The following CUEDC1 variants were observed in gnomAD, a reference collection of about 807,000 sequenced individuals.
The protein encoded by CUEDC1 is CUE domain containing 1.
CUEDC1 carries 30 observed loss-of-function variants against 43.7 expected under a neutral mutation model. That is an observed-to-expected ratio of 0.69 (90% CI 0.51 to 0.93). The LOEUF is 0.93. Ranked by LOEUF, CUEDC1 falls within the 40% of genes least tolerant of loss-of-function variation. CUEDC1 has a pLI of 0.00. For missense variants in CUEDC1, 486 were observed against 549.0 expected (o/e 0.89, Z 1.15); for synonymous variants, 223 against 223.6 (o/e 1.00, Z 0.02).
At chr17:57,919,828 G>A (rs1343767827) in intron 1 of CUEDC1, among the ~76,000 whole-genome samples, 1 of 150,672 alleles carries the variant, frequency 6.6e-6, no homozygotes, top group Non-Finnish European at 1.5e-5. Flanking sequence ...TGATGACGAG[G>A]AGGACATTAA....
rs542516716 is a variant in CUEDC1, at chr17:57,932,401, T to G, written c.-316+22824A>C. The stretch of plus-strand genomic sequence containing the variant: ...GAGATCGAGACCATCCTGGCTAACA[T>G]GGTGAAACCCCATCTCCACTAAAAA... On this transcript the variant is annotated intron_variant, in intron 1 of 10. Coordinates refer to ENST00000577830, the MANE Select transcript of CUEDC1 (RefSeq NM_001271875.2). Among the ~76,000 whole-genome samples the G allele has an allele frequency of 2.0e-5, 3 of 150,846 alleles. No homozygotes were observed. The South Asian group carries it at 6.3e-4, about 32-fold the overall frequency.
At chr17:57,932,368 G>A (rs532407944) in intron 1 of CUEDC1, among the ~76,000 whole-genome samples, 29 of 150,802 alleles carry the variant, frequency 1.9e-4, no homozygotes, top group African/African-American at 6.9e-4. Context: ...GGCAAATCAC[G>A]AGGTCAGGAG....
Position 57,862,582 on chromosome 17 carries a change from C to T in CUEDC1, c.*707G>A, listed in dbSNP as rs2073896019. The T allele has an allele frequency of 6.6e-6, 1 of 152,418 alleles. No individual in the cohort carries two copies. The allele number at this position is 152,418 out of a possible 1,614,324, so 9.4% of individuals were successfully genotyped here. ...GACCGGGAGCTGCTGGGAGTGAGCC[C>T]ATCCCTAACAGCAGCAGCCTGATGA... On this transcript the variant is annotated 3_prime_UTR_variant, in exon 11 of 11. Transcript: ENST00000577830.
rs2074177355 is a variant in CUEDC1, at chr17:57,879,682, G to A, written c.393C>T (p.Tyr131=). The A allele has an allele frequency of 1.9e-6, 3 of 1,603,534 alleles. No individual in the cohort carries two copies. The highest frequency in any genetic ancestry group is 2.7e-5 in the African/African-American group (2 of 74,096). Residue 131 remains tyrosine, a synonymous_variant, in exon 3 of 11, where the codon TAC becomes TAT. Coordinates refer to ENST00000577830, the MANE Select transcript of CUEDC1 (RefSeq NM_001271875.2). ...CGTGCATGTGGTAGGCTGGCGGGGA[G>A]TACACAGGTGGGGGCTCTTCATCCG... ...DSSDEEPPPV[Y]SPPAYHMHVF...
At chr17:57,936,356 A>G (rs1418459032) in intron 1 of CUEDC1, among the ~76,000 whole-genome samples, 1 of 152,200 alleles carries the variant, frequency 6.6e-6, no homozygotes. Flanking sequence ...CAGCCCTCCA[A>G]TTGCTCTGTG....
intron 1 of CUEDC1, among the ~76,000 whole-genome samples, chr17:57,938,313 C>T (rs1047183759): frequency 2.0e-5 from 3 of 152,194 alleles, no homozygotes; most frequent in Non-Finnish European, 2.9e-5. Flanking sequence ...TGGCCTAACG[C>T]CCTATAAACC....
At position 57,871,330 on chromosome 17, in the gene CUEDC1, C is replaced by G. The variant is rs1568028437; in HGVS notation, c.824G>C (p.Ser275Thr). 3.1e-6 allele frequency: 5 copies of G among 1,614,108 alleles called. No homozygotes were observed. Among genetic ancestry groups the G allele is most frequent in the Non-Finnish European group, 4.2e-6 (5 of 1,180,006 alleles). The stretch of plus-strand genomic sequence containing the variant: ...GCCAAAGTCGTTTCCGACAGCCACG[C>G]TGCTGGATTTAGATTTCTGGGATTC... ...KYESQKSKSS[S>T]VAVGNDFGFS... is the part of the protein sequence containing the mutation. The change falls in exon 6 of 11, where the codon AGC (serine) becomes ACC (threonine). Residue 275 changes from serine to threonine, a missense_variant. Ser to Thr is a moderately conservative substitution (Grantham distance 58). Transcript: ENST00000577830.
At position 57,862,656 on chromosome 17, in the gene CUEDC1, C is replaced by T. The variant is rs1275286794; in HGVS notation, c.*633G>A. The T allele has an allele frequency of 2.0e-5, 3 of 152,492 alleles. No homozygotes were observed. Among genetic ancestry groups the T allele is most frequent in the African/African-American group, 7.2e-5 (3 of 41,548 alleles). The allele number at this position is 152,492 out of a possible 1,614,324, so 9.4% of individuals were successfully genotyped here. ...GCAGATGCTTTGCAGTAGCCCATAG[C>T]TCCTCAGAGTTCCTGGGGGACTGGC... On this transcript the variant is annotated 3_prime_UTR_variant, in exon 11 of 11. Coordinates refer to ENST00000577830, the MANE Select transcript of CUEDC1 (RefSeq NM_001271875.2).
chr17:57,874,282 C>T (rs368173027), intron 3 of CUEDC1, among the ~76,000 whole-genome samples: 1 of 152,350 alleles, frequency 6.6e-6, no homozygotes, highest in African/African-American at 2.4e-5. Flanking sequence ...AGGTGGGCCC[C>T]TGTTCCCTCT....
At chr17:57,903,319 T>G (rs1258353354) in intron 1 of CUEDC1, 2 of 152,256 alleles carry the variant, frequency 1.3e-5, no homozygotes, top group Non-Finnish European at 2.9e-5. Flanking sequence ...CCTCGAGTTG[T>G]ATTTCCATGG....
At chr17:57,867,055 G>A (rs1432248642) in intron 9 of CUEDC1, 2 of 495,446 alleles carry the variant, frequency 4.0e-6, no homozygotes, top group Non-Finnish European at 7.4e-6. Context: ...CCCCCATGGG[G>A]GCAGGCCTGT....
chr17:57,942,127 G>A (rs1174684932), intron 1 of CUEDC1, among the ~76,000 whole-genome samples: 1 of 152,202 alleles, frequency 6.6e-6, no homozygotes, highest in Admixed American at 6.5e-5. Context: ...GCCACAAAGA[G>A]TGGCTTAGAA....
At chr17:57,936,007 G>C (rs1267852852) in intron 1 of CUEDC1, among the ~76,000 whole-genome samples, 1 of 152,174 alleles carries the variant, frequency 6.6e-6, no homozygotes, top group Non-Finnish European at 1.5e-5. Flanking sequence ...TGACCCACCC[G>C]CTGCTAATGA....
At chr17:57,950,007 T>C (rs935970155) in intron 1 of CUEDC1, among the ~76,000 whole-genome samples, 21 of 152,116 alleles carry the variant, frequency 1.4e-4, no homozygotes, top group African/African-American at 2.9e-4. Flanking sequence ...ACCTGAAAAA[T>C]TGGTATAATA....
At chr17:57,903,864 C>T (rs117450977) in intron 1 of CUEDC1, among the ~76,000 whole-genome samples, 11,020 of 150,930 alleles carry the variant, frequency 0.073, 463 homozygotes, top group Admixed American at 0.12. Flanking sequence ...TGAGCCCAAG[C>T]GTTCAAGGCT....
At chr17:57,947,515 C>T (rs565129915) in intron 1 of CUEDC1, among the ~76,000 whole-genome samples, 3 of 152,154 alleles carry the variant, frequency 2.0e-5, no homozygotes, top group South Asian at 2.1e-4. Flanking sequence ...CTTTTGTGCT[C>T]GAGCCAGGCA....
chr17:57,898,067 G>C (rs1036518283), intron 1 of CUEDC1, among the ~76,000 whole-genome samples: 5 of 152,162 alleles, frequency 3.3e-5, no homozygotes, highest in African/African-American at 1.2e-4. Context: ...AAACCCCAGA[G>C]CCTCCAGGGC....
chr17:57,910,268 C>T (rs1257748978), intron 1 of CUEDC1, among the ~76,000 whole-genome samples: 1 of 152,072 alleles, frequency 6.6e-6, no homozygotes, highest in African/African-American at 2.4e-5. Context: ...CTTGCTAAAC[C>T]TCAGTGACCT....
At position 57,919,348 on chromosome 17, in the gene CUEDC1, T is replaced by A. The variant is rs553482228; in HGVS notation, c.-315-33469A>T. ...GCAGGCACCACCATGCCTGGCTAATTTTTGTATTTTTAGTAGAGACAGGGA... is the reference window on the plus strand; with the variant it reads ...GCAGGCACCACCATGCCTGGCTAATATTTGTATTTTTAGTAGAGACAGGGA... On this transcript the variant is annotated intron_variant, in intron 1 of 10. Coordinates refer to ENST00000577830, the MANE Select transcript of CUEDC1 (RefSeq NM_001271875.2). 5.1e-4 allele frequency among the ~76,000 whole-genome samples: 77 copies of A among 151,882 alleles called. 1 individual carries two copies. Among genetic ancestry groups the A allele is most frequent in the African/African-American group, 1.8e-3 (76 of 41,384 alleles).
Sources: allele counts gnomAD v4.1 joint callset (sites outside exome capture counted in the v4.1 genomes callset), GRCh38; gene constraint gnomAD v4.1.1; transcripts MANE v1.5; gene names NCBI Gene and HGNC (gene_info 2026-07-23, HGNC 2026-07-21).